Variants in GRM7 observed in about 807,000 individuals in gnomAD.
GRM7 encodes metabotropic glutamate receptor 7.
A neutral mutation model predicts 84.5 loss-of-function variants in GRM7; 35 were observed. That is an observed-to-expected ratio of 0.41 (90% CI 0.32 to 0.55). The LOEUF (loss-of-function observed/expected upper bound fraction) is 0.55, where lower values mean the gene tolerates loss of function less well. GRM7 is among the 20% of genes least tolerant of loss of function. GRM7 has a pLI of 0.19. For missense variants in GRM7, 1,003 were observed against 1,194.6 expected (o/e 0.84, Z 2.36); for synonymous variants, 487 against 455.1 (o/e 1.07, Z -0.89).
intron 7 of GRM7, among the ~76,000 whole-genome samples, chr3:7,492,065 T>C (rs543875790): frequency 1.5e-4 from 23 of 152,194 alleles, no homozygotes; most frequent in Non-Finnish European, 2.8e-4. Context: ...GAATCCCACA[T>C]AGTCATGGTG....
At chr3:7,600,579 C>A (rs1484150992) in intron 8 of GRM7, among the ~76,000 whole-genome samples, 5 of 152,114 alleles carry the variant, frequency 3.3e-5, no homozygotes, top group Non-Finnish European at 4.4e-5. Flanking sequence ...GCCTGTCTAC[C>A]TGTGTGCCCT....
intron 5 of GRM7, among the ~76,000 whole-genome samples, chr3:7,435,396 T>G (rs932779176): frequency 1.3e-5 from 2 of 152,058 alleles, no homozygotes; most frequent in East Asian, 1.9e-4. Context: ...GCTCAAGAGA[T>G]CCACCCACCG....
At chr3:7,414,165 A>G (rs565941237) in intron 4 of GRM7, among the ~76,000 whole-genome samples, 1 of 152,282 alleles carries the variant, frequency 6.6e-6, no homozygotes, top group Non-Finnish European at 1.5e-5. Flanking sequence ...GTAAGGGAAA[A>G]CTTTGAATAA....
intron 1 of GRM7, among the ~76,000 whole-genome samples, chr3:6,926,556 G>A (rs1474763359): frequency 3.9e-5 from 6 of 152,192 alleles, no homozygotes; most frequent in Admixed American, 6.5e-5. Flanking sequence ...CTTCTCCTGC[G>A]AAGAGGATAA....
In GRM7 at chr3:7,298,567, G is replaced by A. The variant is rs1699890976; in HGVS notation, c.737-117G>A. 6.3e-6 allele frequency: 5 copies of A among 798,104 alleles called. No homozygotes were observed. In the South Asian group the frequency reaches 8.4e-5, roughly 13 times the overall value. 49.4% of individuals were successfully genotyped at this position (798,104 alleles called of 1,614,324 possible). A position where few individuals can be genotyped will look rare whatever the true frequency, so the allele number is the denominator to read the frequency against. ...CTTATGCTGTCCTCGCTTAGCAACA[G>A]CATCAAGGAAGTATTGCATATCCGG... On this transcript the variant is annotated intron_variant, in intron 2 of 9. Coordinates refer to ENST00000357716, the MANE Select transcript of GRM7 (RefSeq NM_000844.4).
rs575104171 is a variant in GRM7, at chr3:7,065,980, T to A, written c.520-80472T>A. On this transcript the variant is annotated intron_variant, in intron 1 of 9. Coordinates refer to ENST00000357716, the MANE Select transcript of GRM7 (RefSeq NM_000844.4). ...AAATTAAAACATTCTTTGAACTGAA[T>A]GACAATAATGATACAACCTATCAAA... Among the ~76,000 whole-genome samples the A allele has an allele frequency of 7.2e-5, 11 of 151,836 alleles. No homozygotes were observed. The South Asian group carries it at 1.9e-3, about 26-fold the overall frequency.
At chr3:6,905,449 G>A (rs1393609365) in intron 1 of GRM7, among the ~76,000 whole-genome samples, 2 of 152,120 alleles carry the variant, frequency 1.3e-5, no homozygotes, top group African/African-American at 2.4e-5. Context: ...TAGCCACCAT[G>A]TTAAGACTTT....
At chr3:7,332,720 A>G (rs1415351948) in intron 4 of GRM7, among the ~76,000 whole-genome samples, 1 of 152,174 alleles carries the variant, frequency 6.6e-6, no homozygotes, top group Non-Finnish European at 1.5e-5. Flanking sequence ...CATACCAGGA[A>G]AACTGAAAGA....
Position 7,701,970 on chromosome 3 carries a change from A to G in GRM7, c.2698+21675A>G, listed in dbSNP as rs139725101. Among the ~76,000 whole-genome samples the G allele has an allele frequency of 5.9e-5, 9 of 152,304 alleles. No homozygotes were observed. The East Asian group carries it at 1.7e-3, about 29-fold the overall frequency. ...TCATATAAAATACAATGGAGTTTCA[A>G]TGCATGCATTTTCAGCTAACATGCA... On this transcript the variant is annotated intron_variant, in intron 9 of 9. Transcript: ENST00000357716.
intron 4 of GRM7, among the ~76,000 whole-genome samples, chr3:7,399,747 G>C (rs536774620): frequency 2.0e-5 from 3 of 152,138 alleles, no homozygotes; most frequent in South Asian, 2.1e-4. Flanking sequence ...AAAGAACTAG[G>C]CATCTTTCCA....
chr3:6,920,459 G>A (rs1280430519), intron 1 of GRM7, among the ~76,000 whole-genome samples: 2 of 151,968 alleles, frequency 1.3e-5, no homozygotes, highest in Admixed American at 1.3e-4. Context: ...GGAGGCCGAG[G>A]CACAAGAATC....
intron 1 of GRM7, among the ~76,000 whole-genome samples, chr3:7,110,167 A>G (rs1364300249): frequency 1.3e-5 from 2 of 152,138 alleles, no homozygotes; most frequent in African/African-American, 4.8e-5. Flanking sequence ...CAAGTGATTT[A>G]CTATACCACC....
intron 5 of GRM7, among the ~76,000 whole-genome samples, chr3:7,434,793 T>A (rs1388617968): frequency 1.3e-5 from 2 of 152,152 alleles, no homozygotes; most frequent in Admixed American, 6.5e-5. Context: ...ATCAGATTAA[T>A]GCTGGACACA....
chr3:7,280,679 G>A (rs1699223483), intron 2 of GRM7, among the ~76,000 whole-genome samples: 1 of 152,184 alleles, frequency 6.6e-6, no homozygotes, highest in Non-Finnish European at 1.5e-5. Context: ...TTTGCAGTAC[G>A]TGTTTACAAT....
intron 8 of GRM7, among the ~76,000 whole-genome samples, chr3:7,617,476 A>G (rs1044494564): frequency 6.6e-6 from 1 of 152,138 alleles, no homozygotes; most frequent in Non-Finnish European, 1.5e-5. Context: ...CCATAAATAT[A>G]ACACAAATTT....
intron 7 of GRM7, among the ~76,000 whole-genome samples, chr3:7,542,580 A>G (rs1692937223): frequency 7.4e-6 from 1 of 134,420 alleles, no homozygotes. Flanking sequence ...ACAGAGTCTC[A>G]CTCTGTCGCC....
rs78667633 is a variant in GRM7, at chr3:7,239,157, T to C, written c.737-59527T>C. Among the ~76,000 whole-genome samples, 862 of 151,874 alleles carry C rather than the reference T, an allele frequency of 5.7e-3. 31 individuals carry two copies. In the East Asian group the frequency reaches 0.11, roughly 19 times the overall value. ...TGGGACTACAGGCATGTGTCACCAT[T>C]TGCAGCTAAATTTTGCATTTTTTGG... On this transcript the variant is annotated intron_variant, in intron 2 of 9. Transcript: ENST00000357716.
intron 9 of GRM7, among the ~76,000 whole-genome samples, chr3:7,719,907 T>G (rs1701888239): frequency 6.6e-6 from 1 of 152,022 alleles, no homozygotes; most frequent in South Asian, 2.1e-4. Flanking sequence ...CCTTCTGAAT[T>G]TCATTGTCTC....
At chr3:7,118,003 C>T (rs1240122608) in intron 1 of GRM7, among the ~76,000 whole-genome samples, 3 of 152,114 alleles carry the variant, frequency 2.0e-5, no homozygotes, top group African/African-American at 7.2e-5. Context: ...GTACAAAAAA[C>T]TCCTTAACTA....
Sources: allele counts gnomAD v4.1 joint callset (sites outside exome capture counted in the v4.1 genomes callset), GRCh38; gene constraint gnomAD v4.1.1; transcripts MANE v1.5; gene names NCBI Gene and HGNC (gene_info 2026-07-23, HGNC 2026-07-21).